The following UBE3D variants were observed in gnomAD, a reference collection of about 807,000 sequenced individuals.
UBE3D encodes the protein ubiquitin protein ligase E3D.
Under a neutral mutation model 49.6 loss-of-function variants are expected in UBE3D, and 48 were observed. The observed-to-expected ratio is 0.97, with a 90% CI of 0.77 to 1.23. The LOEUF is 1.23. Ranked by LOEUF, UBE3D falls within the 50% of genes most tolerant of loss-of-function variation. The pLI, the probability that UBE3D is intolerant of heterozygous loss-of-function variation, is 0.00. For synonymous variants in UBE3D, 189 were observed against 174.2 expected (o/e 1.08, Z -0.67); for missense variants, 452 against 468.4 (o/e 0.96, Z 0.32).
At chr6:83,018,774 G>GC in intron 8 of UBE3D, 199 bp downstream of exon 8, 1 of 617,720 alleles carries the variant, frequency 1.6e-6, no homozygotes, top group Non-Finnish European at 2.6e-6. Flanking sequence ...TTTGGTAAAA[G>GC]CAAGCTTTCT....
chr6:83,008,255 G>A (rs747986969), intron 8 of UBE3D, among the ~76,000 whole-genome samples: 34 of 152,090 alleles, frequency 2.2e-4, no homozygotes, highest in Non-Finnish European at 4.4e-4. Flanking sequence ...AATGTCTCCT[G>A]TGAGGCTAAA....
At chr6:82,951,065 A>G (rs1269743955) in intron 9 of UBE3D, among the ~76,000 whole-genome samples, 3 of 152,192 alleles carry the variant, frequency 2.0e-5, no homozygotes, top group African/African-American at 7.2e-5. Flanking sequence ...TATAGTAAAG[A>G]GTAATTTAAT....
chr6:83,035,180 C>CAA (rs70987732), intron 5 of UBE3D, among the ~76,000 whole-genome samples: 3 of 137,806 alleles, frequency 2.2e-5, no homozygotes, highest in South Asian at 2.4e-4. Flanking sequence ...GACTATGTCT[C>CAA]AAAAAAAAAA....
chr6:83,022,546 C>T lies in UBE3D; in HGVS notation c.753G>A (p.Gln251=). 2.5e-6 allele frequency: 4 copies of T among 1,590,430 alleles called. No homozygotes were observed. The highest frequency in any genetic ancestry group is 3.4e-6 in the Non-Finnish European group (4 of 1,172,122). Reference sequence around the variant, plus strand: ...GCACCAGACACTGGGCGATCACGCTCTGGACAAACCAAGACCTGTTTGAAC... The same window carrying T: ...GCACCAGACACTGGGCGATCACGCTTTGGACAAACCAAGACCTGTTTGAAC... The part of the protein sequence containing the change: ...FPIIPRSWFV[Q]SVIAQCLVQL... Residue 251 remains glutamine, a synonymous_variant, in exon 7 of 10, where the codon CAG becomes CAA. Transcript: ENST00000369747.
intron 8 of UBE3D, among the ~76,000 whole-genome samples, chr6:82,970,984 C>G (rs556296860): frequency 8.4e-4 from 128 of 152,252 alleles, no homozygotes; most frequent in African/African-American, 2.9e-3. Context: ...CCATTCATTA[C>G]CATCTTTTAT....
intron 1 of UBE3D, 22 bp downstream of exon 1, chr6:83,065,620 C>A (rs371284633): frequency 1.2e-5 from 20 of 1,612,534 alleles, no homozygotes; most frequent in East Asian, 2.2e-5. Flanking sequence ...CTGGGCACTG[C>A]GCCTAGAATC....
At chr6:82,946,624 G>C (rs1775421790) in intron 9 of UBE3D, among the ~76,000 whole-genome samples, 1 of 152,058 alleles carries the variant, frequency 6.6e-6, no homozygotes, top group South Asian at 2.1e-4. Context: ...TTATAACACT[G>C]TAACTGTGGT....
intron 9 of UBE3D, among the ~76,000 whole-genome samples, chr6:82,930,979 C>T (rs1488916881): frequency 6.6e-6 from 1 of 152,102 alleles, no homozygotes; most frequent in Non-Finnish European, 1.5e-5. Flanking sequence ...GGCCTGGAGG[C>T]CTAGGAGGAA....
chr6:83,057,958 T>TC lies in UBE3D; in HGVS notation c.141_142insG (p.Thr48AspfsTer3), dbSNP rs1241619514. ...TGGATTTCTGTGCAGCCTTCAGGGG[T>TC]TTTCATCTGGAGTGAAGATGGCATT... On this transcript the variant is annotated frameshift_variant, in exon 2 of 10. Coordinates refer to ENST00000369747, the MANE Select transcript of UBE3D (RefSeq NM_198920.3). LOFTEE classifies it high-confidence loss of function. The TC allele has an allele frequency of 3.7e-6, 6 of 1,614,054 alleles. No homozygotes were observed. The highest frequency in any genetic ancestry group is 5.1e-6 in the Non-Finnish European group (6 of 1,180,028).
intron 8 of UBE3D, 89 bp downstream of exon 8, chr6:83,018,884 G>T: frequency 1.4e-6 from 2 of 1,459,250 alleles, no homozygotes; most frequent in Non-Finnish European, 9.4e-7. Context: ...AAATGGTATA[G>T]TGGCATTTAA....
intron 3 of UBE3D, among the ~76,000 whole-genome samples, chr6:83,046,678 G>GGA (rs932950330): frequency 4.5e-5 from 6 of 132,796 alleles, no homozygotes; most frequent in Non-Finnish European, 6.3e-5. Context: ...TTGGCGGGGG[G>GGA]GGTGGGCGGT....
rs150053737 is a variant in UBE3D, at chr6:83,019,554, C to T, written c.847-418G>A. Reference sequence around the variant, plus strand: ...CACCATTTTTCATTTACCAGATTGGCAAATATAAAAGTACTGATAACATCT... The same window carrying T: ...CACCATTTTTCATTTACCAGATTGGTAAATATAAAAGTACTGATAACATCT... On this transcript the variant is annotated intron_variant, in intron 7 of 9. Transcript: ENST00000369747. Among the ~76,000 whole-genome samples the T allele has an allele frequency of 3.9e-5, 6 of 151,976 alleles. No homozygotes were observed. In the East Asian group the frequency reaches 1.2e-3, roughly 29 times the overall value.
chr6:82,975,228 T>C (rs1004359453), intron 8 of UBE3D, among the ~76,000 whole-genome samples: 5 of 152,138 alleles, frequency 3.3e-5, no homozygotes, highest in Non-Finnish European at 7.4e-5. Context: ...CTAGCAAATA[T>C]AAGGCATTGC....
rs1306340461 is a variant in UBE3D, at chr6:83,034,230, C to T, written c.667+4186G>A. Reference sequence around the variant, plus strand: ...GTGGATATAGATCTCTTATACCACCCCACACACAAACTCACACATATTGAC... The same window carrying T: ...GTGGATATAGATCTCTTATACCACCTCACACACAAACTCACACATATTGAC... On this transcript the variant is annotated intron_variant, in intron 5 of 9. Coordinates refer to ENST00000369747, the MANE Select transcript of UBE3D (RefSeq NM_198920.3). 2.0e-5 allele frequency among the ~76,000 whole-genome samples: 3 copies of T among 152,208 alleles called. No individual in the cohort carries two copies. The East Asian group carries it at 5.8e-4, about 29-fold the overall frequency.
chr6:83,058,507 A>G (rs1783960887), intron 1 of UBE3D, among the ~76,000 whole-genome samples: 1 of 152,250 alleles, frequency 6.6e-6, no homozygotes, highest in African/African-American at 2.4e-5. Flanking sequence ...AGTATAGGCA[A>G]TAAAGAGTAA....
chr6:83,061,354 C>T (rs1258985778), intron 1 of UBE3D, among the ~76,000 whole-genome samples: 2 of 152,190 alleles, frequency 1.3e-5, no homozygotes, highest in African/African-American at 4.8e-5. Context: ...ATTATGTAGA[C>T]AACTGGTAAA....
chr6:82,967,914 A>G (rs1390362591), intron 8 of UBE3D, among the ~76,000 whole-genome samples: 1 of 152,184 alleles, frequency 6.6e-6, no homozygotes, highest in African/African-American at 2.4e-5. Context: ...AATAGGTGCA[A>G]TTACAGGCTA....
chr6:82,941,049 T>C (rs557826368), intron 9 of UBE3D, among the ~76,000 whole-genome samples: 1 of 152,018 alleles, frequency 6.6e-6, no homozygotes, highest in South Asian at 2.1e-4. Flanking sequence ...CCCATCTCTA[T>C]TAAAAACACA....
chr6:82,948,352 T>C (rs1775550731), intron 9 of UBE3D, among the ~76,000 whole-genome samples: 1 of 151,262 alleles, frequency 6.6e-6, no homozygotes, highest in African/African-American at 2.4e-5. Flanking sequence ...ACAGACCAAA[T>C]GAGATGGAAG....
Sources: gnomAD v4.1 joint callset for allele counts (sites outside exome capture counted in the v4.1 genomes callset) on GRCh38, gnomAD v4.1.1 for gene constraint, MANE v1.5 for transcripts, NCBI Gene and HGNC (gene_info 2026-07-23, HGNC 2026-07-21) for gene names.